Variants in ATP6V0A4 observed in about 807,000 individuals in gnomAD.
ATP6V0A4 encodes the protein V-type proton ATPase 116 kDa subunit a 4.
In ATP6V0A4, 86 loss-of-function variants were observed where a neutral mutation model predicts 107.3. That is an observed-to-expected ratio of 0.80 (90% confidence interval 0.67 to 0.96). The LOEUF is 0.96. Ranked by LOEUF, ATP6V0A4 falls within the 40% of genes least tolerant of loss-of-function variation. The pLI, the probability that ATP6V0A4 is intolerant of heterozygous loss-of-function variation, is 0.00. For synonymous variants in ATP6V0A4, 353 were observed against 381.4 expected (o/e 0.93, Z 0.87); for missense variants, 908 against 1,045.6 (o/e 0.87, Z 1.81).
At chr7:138,755,859 A>T in intron 9 of ATP6V0A4, 77 bp from the exon 10 acceptor site, 2 of 1,574,106 alleles carry the variant, frequency 1.3e-6, no homozygotes, top group Non-Finnish European at 1.7e-6. Flanking sequence ...CTGCTAAGAC[A>T]TCGTTTGCTG....
chr7:138,795,620 C>T (rs1041108738), intron 1 of ATP6V0A4, among the ~76,000 whole-genome samples: 4 of 152,074 alleles, frequency 2.6e-5, no homozygotes, highest in Admixed American at 6.6e-5. Context: ...ATTTATTTTG[C>T]CCAGTTTTTG....
intron 15 of ATP6V0A4, among the ~76,000 whole-genome samples, chr7:138,738,295 A>G (rs2117254179): frequency 6.6e-6 from 1 of 152,230 alleles, no homozygotes; most frequent in South Asian, 2.1e-4. Flanking sequence ...AGGATCACTC[A>G]GTTCTGCAAT....
At chr7:138,728,665 G>A in intron 18 of ATP6V0A4, 96 bp downstream of exon 18, 2 of 1,547,066 alleles carry the variant, frequency 1.3e-6, no homozygotes, top group Non-Finnish European at 1.8e-6. Context: ...TCTGGCCCTG[G>A]CAGCCCAGGA....
At chr7:138,764,180 A>G (rs1410589612) in intron 5 of ATP6V0A4, among the ~76,000 whole-genome samples, 1 of 151,930 alleles carries the variant, frequency 6.6e-6, no homozygotes, top group Non-Finnish European at 1.5e-5. Context: ...GAAAAAATAA[A>G]GAAAAATACA....
At chr7:138,770,609 G>A (rs1020840377) in intron 3 of ATP6V0A4, among the ~76,000 whole-genome samples, 2 of 152,120 alleles carry the variant, frequency 1.3e-5, no homozygotes, top group African/African-American at 4.8e-5. Context: ...ATTAGACTAC[G>A]AACTTGGTGA....
chr7:138,788,820 C>A (rs1808275742), intron 1 of ATP6V0A4, among the ~76,000 whole-genome samples: 1 of 152,178 alleles, frequency 6.6e-6, no homozygotes, highest in Admixed American at 6.5e-5. Flanking sequence ...GCTTTCTTGC[C>A]TGCCACCATG....
intron 16 of ATP6V0A4, among the ~76,000 whole-genome samples, chr7:138,733,328 C>A (rs1805126959): frequency 7.3e-6 from 1 of 137,758 alleles, no homozygotes; most frequent in Admixed American, 8.3e-5. Context: ...TCAGAGAGAA[C>A]CACGGTCTAG....
intron 21 of ATP6V0A4, 27 bp from the exon 22 acceptor site, chr7:138,706,744 A>T (rs375266833): frequency 6.2e-7 from 1 of 1,611,716 alleles, no homozygotes; most frequent in African/African-American, 1.3e-5. Context: ...GCCGTGGGGT[A>T]AGAAATGGGA....
chr7:138,752,472 C>G lies in ATP6V0A4; in HGVS notation c.1029+153G>C, dbSNP rs554415115. ...GACAAAGGAATTTCTTTTATGTCCT[C>G]GAGTGGGGTTGATAACTGAAGACAC... On this transcript the variant is annotated intron_variant, in intron 11 of 21. Transcript: ENST00000310018. Among the ~76,000 whole-genome samples, 9 of 151,994 alleles carry G rather than the reference C, an allele frequency of 5.9e-5. No homozygotes were observed. The South Asian group carries it at 1.0e-3, about 17-fold the overall frequency.
chr7:138,730,143 C>G (rs1052446109), intron 17 of ATP6V0A4, among the ~76,000 whole-genome samples: 13 of 152,202 alleles, frequency 8.5e-5, no homozygotes, highest in Non-Finnish European at 1.6e-4. Flanking sequence ...CTCGGCCTCC[C>G]AAAGTGCTGG....
chr7:138,796,857 A>T (rs769907459), intron 1 of ATP6V0A4, among the ~76,000 whole-genome samples: 1 of 152,140 alleles, frequency 6.6e-6, no homozygotes, highest in Non-Finnish European at 1.5e-5. Flanking sequence ...CTAGGATGAG[A>T]CCTTTTATAT....
chr7:138,789,596 T>TC (rs1808314559), intron 1 of ATP6V0A4, among the ~76,000 whole-genome samples: 1 of 151,988 alleles, frequency 6.6e-6, no homozygotes, highest in South Asian at 2.1e-4. Flanking sequence ...TGAACATTTT[T>TC]CCCAGGTAAT....
At chr7:138,746,686 T>G (rs1045150495) in intron 13 of ATP6V0A4, among the ~76,000 whole-genome samples, 2 of 152,094 alleles carry the variant, frequency 1.3e-5, no homozygotes, top group Non-Finnish European at 2.9e-5. Context: ...GTATTTTTAG[T>G]AGAGACAGGG....
intron 10 of ATP6V0A4, among the ~76,000 whole-genome samples, chr7:138,754,726 G>A (rs111502100): frequency 0.016 from 2,403 of 152,020 alleles, 72 homozygotes; most frequent in African/African-American, 0.055. Flanking sequence ...AGGTTCAAAC[G>A]ATTCTCCTGC....
chr7:138,751,943 T>C (rs1806248520), intron 11 of ATP6V0A4, among the ~76,000 whole-genome samples: 1 of 152,038 alleles, frequency 6.6e-6, no homozygotes, highest in Non-Finnish European at 1.5e-5. Flanking sequence ...TTTGAGGCTG[T>C]AGGGCAGTAT....
intron 11 of ATP6V0A4, among the ~76,000 whole-genome samples, chr7:138,751,576 G>A (rs144554819): frequency 3.3e-5 from 5 of 151,398 alleles, no homozygotes; most frequent in East Asian, 2.0e-4. Context: ...CATTAGTCAC[G>A]GACATGCCTC....
chr7:138,734,112 CAG>C, intron 16 of ATP6V0A4, 22 bp downstream of exon 16: 1 of 1,592,824 alleles, frequency 6.3e-7, no homozygotes, highest in Non-Finnish European at 8.6e-7. Flanking sequence ...ACAGAGCAGG[CAG>C]AGAGTGCATC....
At chr7:138,786,526 C>T (rs546977106) in intron 1 of ATP6V0A4, among the ~76,000 whole-genome samples, 4 of 151,264 alleles carry the variant, frequency 2.6e-5, no homozygotes, top group Admixed American at 2.6e-4. Flanking sequence ...CTGCAGTGAA[C>T]GAAGATTGCA....
chr7:138,713,954 T>G (rs780833490), intron 20 of ATP6V0A4, among the ~76,000 whole-genome samples: 1 of 146,390 alleles, frequency 6.8e-6, no homozygotes, highest in South Asian at 2.2e-4. Flanking sequence ...AAAAAAAAAG[T>G]TCGCCAAGTA....
Sources: gnomAD v4.1 joint callset for allele counts (sites outside exome capture counted in the v4.1 genomes callset) on GRCh38, gnomAD v4.1.1 for gene constraint, MANE v1.5 for transcripts, NCBI Gene and HGNC (gene_info 2026-07-23, HGNC 2026-07-21) for gene names.